KIR2DL1: variants seen among roughly 807,000 people sequenced by gnomAD.
The protein encoded by KIR2DL1 is killer cell immunoglobulin-like receptor 2DL1.
A neutral mutation model predicts 33.9 loss-of-function variants in KIR2DL1; 38 were observed. That is an observed-to-expected ratio of 1.12 (90% CI 0.86 to 1.47). The LOEUF (loss-of-function observed/expected upper bound fraction) is 1.47. Among genes scored for constraint, KIR2DL1 ranks in the 40% most tolerant of loss-of-function variants. The pLI is 0.00. For missense variants in KIR2DL1, 531 were observed against 433.9 expected, an observed-to-expected ratio of 1.22 and a Z score of -1.99; for synonymous variants, 179 against 165.9, an observed-to-expected ratio of 1.08 and a Z score of -0.61.
At chr19:54,772,441 T>C (rs1350392495) in intron 2 of KIR2DL1, among the ~76,000 whole-genome samples, 11 of 145,346 alleles carry the variant, frequency 7.6e-5, no homozygotes, top group Admixed American at 2.1e-4. Flanking sequence ...TCTCCAGAAT[T>C]GGAAGGGGTT....
chr19:54,773,510 C>A lies in KIR2DL1; in HGVS notation c.248C>A (p.Ala83Asp). ...GAACACCATGATGGGGTCTCCAAGG[C>A]CAACTTCTCCATCAGTCGCATGACG... ...IGEHHDGVSKANFSISRMTQD... is the reference protein window; with the variant it reads ...IGEHHDGVSKDNFSISRMTQD... Residue 83 changes from alanine (A) to aspartate (D), a missense_variant, in exon 3 of 8, where the codon GCC (alanine) becomes GAC (aspartate). Physicochemically the swap from Ala to Asp is moderately radical, Grantham distance 126. Coordinates refer to ENST00000336077, the MANE Select transcript of KIR2DL1 (RefSeq NM_014218.3). 6.4e-7 allele frequency: 1 copy of A among 1,564,216 alleles called. No homozygotes were observed. Among genetic ancestry groups the A allele is most frequent in the Non-Finnish European group, 8.8e-7 (1 of 1,140,746 alleles).
rs546200468 is a variant in KIR2DL1, at chr19:54,770,943, A to G, written c.70+59A>G. 7.0e-6 allele frequency: 11 copies of G among 1,563,182 alleles called. No homozygotes were observed. In the Middle Eastern group the frequency reaches 5.4e-4, roughly 77 times the overall value. ...CCCCACATAAGAGGATTTTCCTGAAATGGGAGGGAAGTCCTGTCAGGGAGT... is the reference window on the plus strand; with the variant it reads ...CCCCACATAAGAGGATTTTCCTGAAGTGGGAGGGAAGTCCTGTCAGGGAGT... On this transcript the variant is annotated intron_variant, in intron 2 of 7. Coordinates refer to ENST00000336077, the MANE Select transcript of KIR2DL1 (RefSeq NM_014218.3).
In KIR2DL1 at chr19:54,783,013, C is replaced by G; in HGVS notation, c.807C>G (p.Ser269=). The change falls in exon 6 of 8, where the codon TCC becomes TCG. Residue 269 remains serine, a synonymous_variant. Coordinates refer to ENST00000336077, the MANE Select transcript of KIR2DL1 (RefSeq NM_014218.3). The part of the protein sequence containing the change: ...LLFFLLHRWC[S]NKKNAAVMDQ... ...TCTTTCTCCTTCATCGCTGGTGCTC[C>G]AACAAAAAAAGTAAGTCTCACGAAG... The G allele has an allele frequency of 6.2e-7, 1 of 1,613,140 alleles. No homozygotes were observed. Among genetic ancestry groups the G allele is most frequent in the East Asian group, 2.2e-5 (1 of 44,872 alleles).
chr19:54,781,514 A>G (rs987585042), intron 5 of KIR2DL1, among the ~76,000 whole-genome samples: 3 of 150,776 alleles, frequency 2.0e-5, no homozygotes, highest in African/African-American at 7.3e-5. Context: ...ATGGGGAGGT[A>G]AACATTAACA....
intron 4 of KIR2DL1, 102 bp downstream of exon 4, chr19:54,775,560 A>G: frequency 4.4e-6 from 6 of 1,376,900 alleles, no homozygotes; most frequent in Middle Eastern, 1.9e-4. Flanking sequence ...TGCAGAGAGA[A>G]GACGCAGCCT....
At chr19:54,772,775 A>G (rs624227) in intron 2 of KIR2DL1, among the ~76,000 whole-genome samples, 32,408 of 124,604 alleles carry the variant, frequency 0.26, 1,967 homozygotes, top group South Asian at 0.35. Flanking sequence ...AGCAAGGCTC[A>G]GATGATGATG....
chr19:54,780,279 T>A (rs2147589672), intron 5 of KIR2DL1: 1 of 438,276 alleles, frequency 2.3e-6, no homozygotes, highest in South Asian at 3.0e-5. Context: ...ATTCAGATAT[T>A]TGTGACATTA....
rs561997045 is a variant in KIR2DL1, at chr19:54,771,902, G to C, written c.70+1018G>C. ...GGAGATCACGGTCACAGGTCAGAGG[G>C]CTCCTGTCTGGGATTCTCCTTGTCC... On this transcript the variant is annotated intron_variant, in intron 2 of 7. Transcript: ENST00000336077. Among the ~76,000 whole-genome samples, 50 of 147,706 alleles carry C rather than the reference G, an allele frequency of 3.4e-4. 2 individuals are homozygous for C. The South Asian group carries it at 5.0e-3, about 15-fold the overall frequency.
intron 3 of KIR2DL1, among the ~76,000 whole-genome samples, chr19:54,774,274 T>C (rs2076081110): frequency 6.8e-6 from 1 of 147,382 alleles, no homozygotes; most frequent in African/African-American, 2.5e-5. Flanking sequence ...AGCAAAGACA[T>C]AAACACACAG....
At chr19:54,778,209 A>C (rs1454868625) in intron 4 of KIR2DL1, among the ~76,000 whole-genome samples, 18 of 149,170 alleles carry the variant, frequency 1.2e-4, no homozygotes, top group Non-Finnish European at 2.4e-4. Flanking sequence ...CAGTGAACCG[A>C]GATTGCACCT....
intron 3 of KIR2DL1, 56 bp downstream of exon 3, chr19:54,773,688 A>G: frequency 6.7e-7 from 1 of 1,494,986 alleles, no homozygotes. Flanking sequence ...TGAATGATCC[A>G]GGAATTGGAG....
rs1367157628 is a variant in KIR2DL1 at position 54,775,299 on chromosome 19, C to G, written c.505C>G (p.Arg169Gly). 6 of 1,598,582 alleles carry G rather than the reference C, an allele frequency of 3.8e-6. No individual in the cohort carries two copies. Among genetic ancestry groups the G allele is most frequent in the Admixed American group, 3.4e-5 (2 of 59,332 alleles). Residue 169 changes from arginine to glycine, a missense_variant, in exon 4 of 8, where the codon CGT becomes GGT. Physicochemically the swap from Arg to Gly is moderately radical, Grantham distance 125 (BLOSUM62 -2). Coordinates refer to ENST00000336077, the MANE Select transcript of KIR2DL1 (RefSeq NM_014218.3). ...ATCCAGGGAAGGGGAGGCCCATGAA[C>G]GTAGGCTCCCTGCAGGGCCCAAGGT... ...HLSREGEAHERRLPAGPKVNG... is the reference protein window; with the variant it reads ...HLSREGEAHEGRLPAGPKVNG...
chr19:54,775,649 C>T (rs1247114979), intron 4 of KIR2DL1, among the ~76,000 whole-genome samples, 191 bp downstream of exon 4: 2 of 148,636 alleles, frequency 1.3e-5, no homozygotes, highest in African/African-American at 2.5e-5. Context: ...CATGGAGGCC[C>T]ACGGCCAGGG....
At position 54,772,996 on chromosome 19, in the gene KIR2DL1, C is replaced by A. The variant is rs1194336824; in HGVS notation, c.71-337C>A. On this transcript the variant is annotated intron_variant, in intron 2 of 7. Coordinates refer to ENST00000336077, the MANE Select transcript of KIR2DL1 (RefSeq NM_014218.3). ...GTCCAAAAGAGATTGAACCAGGCTG[C>A]TAAGAGCCTGGATGTGCAGCCTATC... is the stretch of plus-strand genomic sequence containing the variant. Among the ~76,000 whole-genome samples, 25 of 147,774 alleles carry A rather than the reference C, an allele frequency of 1.7e-4. No homozygotes were observed. The East Asian group carries it at 3.3e-3, about 20-fold the overall frequency.
intron 3 of KIR2DL1, 51 bp downstream of exon 3, chr19:54,773,683 G>T: frequency 1.3e-6 from 2 of 1,514,824 alleles, no homozygotes; most frequent in South Asian, 2.3e-5. Context: ...CAGAGTGAAT[G>T]ATCCAGGAAT....
rs1278795443 is a variant in KIR2DL1, at chr19:54,771,259, A to G, written c.70+375A>G. On this transcript the variant is annotated intron_variant, in intron 2 of 7. Transcript: ENST00000336077. ...CCACAGCCATGGCCCTGACATTCCA[A>G]TCCTCTGATGGGGACTCAGTTGTTT... is the stretch of plus-strand genomic sequence containing the variant. Among the ~76,000 whole-genome samples, 115 of 148,684 alleles carry G rather than the reference A, an allele frequency of 7.7e-4. 4 individuals are homozygous for G. The highest frequency in any genetic ancestry group is 2.5e-3 in the African/African-American group (104 of 40,846).
At position 54,782,987 on chromosome 19, in the gene KIR2DL1, T is replaced by G; in HGVS notation, c.781T>G (p.Phe261Val). 5 of 1,613,748 alleles carry G rather than the reference T, an allele frequency of 3.1e-6. No individual in the cohort carries two copies. Among genetic ancestry groups the G allele is most frequent in the Non-Finnish European group, 4.2e-6 (5 of 1,179,874 alleles). Residue 261 changes from phenylalanine (F) to valine (V), a missense_variant, in exon 6 of 8, where the codon TTC becomes GTC. Physicochemically the swap from Phe to Val is conservative, Grantham distance 50. Coordinates refer to ENST00000336077, the MANE Select transcript of KIR2DL1 (RefSeq NM_014218.3). ...GGTCATCATCCTCTTCATCCTCCTC[T>G]TCTTTCTCCTTCATCGCTGGTGCTC... ...SVVIILFILL[F>V]FLLHRWCSNK...
In KIR2DL1 at chr19:54,780,803, A is replaced by C. The variant is rs372878218; in HGVS notation, c.716-2119A>C. Among the ~76,000 whole-genome samples, 590 of 116,490 alleles carry C rather than the reference A, an allele frequency of 5.1e-3. 1 individual carries two copies. The highest frequency in any genetic ancestry group is 0.014 in the Middle Eastern group (3 of 208). The allele number at this position is 116,490 out of a possible 152,430, so 76.4% of individuals were successfully genotyped here. A position where few individuals can be genotyped will look rare whatever the true frequency, so the allele number is the denominator to read the frequency against. ...ATTAATTTCTTTCTGAGATTTATTC[A>C]TCCTACACATAAATCAATACCTGGC... On this transcript the variant is annotated intron_variant, in intron 5 of 7. Transcript: ENST00000336077.
Position 54,783,517 on chromosome 19 carries a change from A to G in KIR2DL1, c.849A>G (p.Gly283=), listed in dbSNP as rs586234. Residue 283 remains glycine, a synonymous_variant, in exon 7 of 8, where the codon GGA becomes GGG. Coordinates refer to ENST00000336077, the MANE Select transcript of KIR2DL1 (RefSeq NM_014218.3). ...NAAVMDQESA[G]NRTANSEDSD... Reference sequence around the variant, plus strand: ...CGGTAATGGACCAAGAGTCTGCAGGAAACAGAACAGCGAATAGCGAGGTAG... The same window carrying G: ...CGGTAATGGACCAAGAGTCTGCAGGGAACAGAACAGCGAATAGCGAGGTAG... 0.24 allele frequency: 366,365 copies of G among 1,499,110 alleles called. 23,314 individuals are homozygous for G. Among genetic ancestry groups the G allele is most frequent in the South Asian group, 0.32 (27,095 of 85,676 alleles). 92.9% of individuals were successfully genotyped at this position (1,499,110 alleles called of 1,614,324 possible). A position where few individuals can be genotyped will look rare whatever the true frequency, so the allele number is the denominator to read the frequency against.
Sources: allele counts gnomAD v4.1 joint callset (sites outside exome capture counted in the v4.1 genomes callset), GRCh38; gene constraint gnomAD v4.1.1; transcripts MANE v1.5; gene names NCBI Gene and HGNC (gene_info 2026-07-23, HGNC 2026-07-21).